Variants in ZNF804B observed in about 807,000 individuals in gnomAD.
ZNF804B encodes the protein zinc finger 804B.
A neutral mutation model predicts 101.4 loss-of-function variants in ZNF804B; 80 were observed. The ratio of observed to expected loss-of-function variants is 0.79; its 90% CI spans 0.66 to 0.95. The LOEUF (loss-of-function observed/expected upper bound fraction) is 0.95. ZNF804B is among the 40% of genes least tolerant of loss of function. The probability of loss-of-function intolerance (pLI) is 0.00; values close to 1 mark genes in which losing one functional copy is unlikely to be tolerated. For missense variants in ZNF804B, 1,673 were observed against 1,561.9 expected (o/e 1.07, Z -1.20); for synonymous variants, 622 against 558.8 (o/e 1.11, Z -1.59).
chr7:88,940,656 C>A (rs1251926579), intron 1 of ZNF804B, among the ~76,000 whole-genome samples: 1 of 151,474 alleles, frequency 6.6e-6, no homozygotes, highest in Non-Finnish European at 1.5e-5. Context: ...GTGGTCCCAG[C>A]TACTCTGGAG....
At chr7:88,866,183 A>G (rs1007064433) in intron 1 of ZNF804B, among the ~76,000 whole-genome samples, 1 of 152,342 alleles carries the variant, frequency 6.6e-6, no homozygotes, top group Admixed American at 6.5e-5. Flanking sequence ...TCACCTTATA[A>G]TTAATAAACT....
chr7:89,164,220 C>T (rs187760790), intron 1 of ZNF804B, among the ~76,000 whole-genome samples: 38 of 152,098 alleles, frequency 2.5e-4, no homozygotes, highest in Admixed American at 2.4e-3. Context: ...CAAAAATACC[C>T]CTTTCTTGAC....
At chr7:89,080,527 T>C (rs1211168076) in intron 1 of ZNF804B, among the ~76,000 whole-genome samples, 1 of 151,918 alleles carries the variant, frequency 6.6e-6, no homozygotes, top group African/African-American at 2.4e-5. Context: ...CATTTCTTCT[T>C]CTATATTTAT....
At chr7:88,864,757 C>G (rs1228672814) in intron 1 of ZNF804B, among the ~76,000 whole-genome samples, 1 of 152,074 alleles carries the variant, frequency 6.6e-6, no homozygotes, top group Non-Finnish European at 1.5e-5. Context: ...TGGTCTCAGG[C>G]AGTTGGTCAA....
At position 88,845,299 on chromosome 7, in the gene ZNF804B, G is replaced by GCACACACACACA. The variant is rs369657042; in HGVS notation, c.108+85216_108+85217insACACACACACAC. Reference sequence around the variant, plus strand: ...TGTGCGCACGCGCGCGCGCACGCGCGCGCACACACACACACACACACAATA... The same window carrying GCACACACACACA: ...TGTGCGCACGCGCGCGCGCACGCGCGCACACACACACACGCACACACACACACACACACAATA... On this transcript the variant is annotated intron_variant, in intron 1 of 3. Coordinates refer to ENST00000333190, the MANE Select transcript of ZNF804B (RefSeq NM_181646.5). Among the ~76,000 whole-genome samples the GCACACACACACA allele has an allele frequency of 1.4e-3, 195 of 138,502 alleles. 3 individuals are homozygous for GCACACACACACA. The Middle Eastern group carries it at 0.019, about 13-fold the overall frequency. 90.9% of individuals were successfully genotyped at this position (138,502 alleles called of 152,430 possible). A position where few individuals can be genotyped will look rare whatever the true frequency, so the allele number is the denominator to read the frequency against.
intron 2 of ZNF804B, among the ~76,000 whole-genome samples, chr7:89,288,545 A>G (rs1224908738): frequency 6.6e-6 from 1 of 152,210 alleles, no homozygotes; most frequent in Non-Finnish European, 1.5e-5. Context: ...TCAACAATAA[A>G]GCTTTTGGCT....
At chr7:89,064,339 G>A (rs1789420367) in intron 1 of ZNF804B, among the ~76,000 whole-genome samples, 1 of 152,144 alleles carries the variant, frequency 6.6e-6, no homozygotes, top group Admixed American at 6.5e-5. Context: ...CCTCCCTGAA[G>A]CTGGGGCAGC....
chr7:88,857,186 A>G (rs933954728), intron 1 of ZNF804B, among the ~76,000 whole-genome samples: 3 of 152,054 alleles, frequency 2.0e-5, no homozygotes, highest in South Asian at 4.1e-4. Context: ...ACACCCTAAC[A>G]TCACAATTAA....
intron 1 of ZNF804B, among the ~76,000 whole-genome samples, chr7:89,009,347 A>G (rs1177285222): frequency 1.3e-5 from 2 of 152,184 alleles, no homozygotes; most frequent in African/African-American, 2.4e-5. Flanking sequence ...AATCAAATAT[A>G]TGTATCCACT....
At chr7:89,272,056 AT>A (rs1182054742) in intron 2 of ZNF804B, among the ~76,000 whole-genome samples, 2 of 152,066 alleles carry the variant, frequency 1.3e-5, no homozygotes, top group African/African-American at 4.8e-5. Context: ...TTTTTAAATT[AT>A]TCTCATTTTT....
At chr7:89,288,012 C>T (rs763897644) in intron 2 of ZNF804B, among the ~76,000 whole-genome samples, 8 of 150,774 alleles carry the variant, frequency 5.3e-5, no homozygotes, top group Non-Finnish European at 8.8e-5. Flanking sequence ...CAATGTTCAG[C>T]ATACCATCAA....
chr7:89,269,613 G>C (rs1387482695), intron 2 of ZNF804B, among the ~76,000 whole-genome samples: 4 of 152,110 alleles, frequency 2.6e-5, no homozygotes. Flanking sequence ...GGTATTTCTA[G>C]TTCTAGGTCC....
chr7:89,231,070 A>G (rs1432533230), intron 2 of ZNF804B, among the ~76,000 whole-genome samples: 2 of 152,062 alleles, frequency 1.3e-5, no homozygotes, highest in Admixed American at 6.5e-5. Context: ...TGAATATTTT[A>G]TAATTTTAGT....
At chr7:89,283,760 C>T (rs1266001369) in intron 2 of ZNF804B, among the ~76,000 whole-genome samples, 2 of 151,650 alleles carry the variant, frequency 1.3e-5, no homozygotes, top group Admixed American at 6.6e-5. Flanking sequence ...TACAAATTAT[C>T]CTATATATAC....
intron 1 of ZNF804B, among the ~76,000 whole-genome samples, chr7:88,968,728 C>T (rs983471795): frequency 3.3e-5 from 5 of 151,564 alleles, no homozygotes; most frequent in African/African-American, 1.2e-4. Context: ...TATTTAATTA[C>T]AGCATTAAGA....
intron 1 of ZNF804B, among the ~76,000 whole-genome samples, chr7:88,862,739 C>G (rs1562815630): frequency 6.6e-6 from 1 of 152,136 alleles, no homozygotes; most frequent in Non-Finnish European, 1.5e-5. Context: ...TTTGTAGGTG[C>G]CAACTATGAA....
chr7:88,904,908 C>T (rs773313861), intron 1 of ZNF804B, among the ~76,000 whole-genome samples: 7 of 152,084 alleles, frequency 4.6e-5, no homozygotes, highest in Non-Finnish European at 7.4e-5. Context: ...GATAGTTTGA[C>T]GTCTTCTTTT....
At chr7:88,887,924 ATATC>A (rs887114684) in intron 1 of ZNF804B, among the ~76,000 whole-genome samples, 1 of 152,204 alleles carries the variant, frequency 6.6e-6, no homozygotes, top group Non-Finnish European at 1.5e-5. Flanking sequence ...ATGTATATAT[ATATC>A]TGAGAATTGC....
At chr7:89,220,158 T>TACGCAC in intron 2 of ZNF804B, among the ~76,000 whole-genome samples, 2 of 132,546 alleles carry the variant, frequency 1.5e-5, no homozygotes, top group African/African-American at 6.0e-5. Flanking sequence ...TACATATATA[T>TACGCAC]ATACGCACAT....
Sources: allele counts gnomAD v4.1 joint callset (sites outside exome capture counted in the v4.1 genomes callset), GRCh38; gene constraint gnomAD v4.1.1; transcripts MANE v1.5; gene names NCBI Gene and HGNC (gene_info 2026-07-23, HGNC 2026-07-21).